The following PODXL variants were observed in gnomAD, a reference collection of about 807,000 sequenced individuals.
The protein encoded by PODXL is podocalyxin like, also known as podocalyxin.
In PODXL, 20 loss-of-function variants were observed where a neutral mutation model predicts 48.9. The ratio of observed to expected loss-of-function variants is 0.41; its 90% CI spans 0.29 to 0.59. PODXL has a LOEUF of 0.59. PODXL is among the 20% of genes least tolerant of loss of function. The probability of loss-of-function intolerance (pLI) is 0.31; values close to 1 mark genes in which losing one functional copy is unlikely to be tolerated. For missense variants in PODXL, 606 were observed against 675.1 expected, an observed-to-expected ratio of 0.90 and a Z score of 1.13; for synonymous variants, 295 against 287.4, an observed-to-expected ratio of 1.03 and a Z score of -0.27.
chr7:131,529,244 G>A (rs1798234647), intron 1 of PODXL, among the ~76,000 whole-genome samples: 1 of 152,116 alleles, frequency 6.6e-6, no homozygotes, highest in African/African-American at 2.4e-5. Flanking sequence ...TCACAGCAGG[G>A]TAGAAATGAC....
chr7:131,512,672 A>C (rs543475067), intron 1 of PODXL, among the ~76,000 whole-genome samples: 1 of 152,222 alleles, frequency 6.6e-6, no homozygotes, highest in East Asian at 1.9e-4. Context: ...TTGAGAATAA[A>C]AGGCCCTCTT....
chr7:131,545,638 A>G (rs1584832027), intron 1 of PODXL, among the ~76,000 whole-genome samples: 2 of 152,324 alleles, frequency 1.3e-5, no homozygotes, highest in Middle Eastern at 6.8e-3. Context: ...GTTCTACTAA[A>G]AAGAGGAGGC....
rs1797692271 is a variant in PODXL at position 131,501,030 on chromosome 7, G to A, written c.*3281C>T. 6.6e-6 allele frequency: 1 copy of A among 152,138 alleles called. No homozygotes were observed. Among genetic ancestry groups the A allele is most frequent in the Admixed American group, 6.6e-5 (1 of 15,262 alleles). 9.4% of individuals were successfully genotyped at this position (152,138 alleles called of 1,614,324 possible). On this transcript the variant is annotated 3_prime_UTR_variant, in exon 9 of 9. Coordinates refer to ENST00000378555, the MANE Select transcript of PODXL (RefSeq NM_001018111.3). ...ACTACAGGGTTGCCTGCCAACCAGA[G>A]CATATTGACTCCAACCTTTACTGAA...
At chr7:131,524,045 C>T (rs113014485) in intron 1 of PODXL, among the ~76,000 whole-genome samples, 10,300 of 152,044 alleles carry the variant, frequency 0.068, 1,131 homozygotes, top group African/African-American at 0.23. Context: ...GCAATCCACC[C>T]GCCTGGACCT....
chr7:131,532,217 C>T (rs897605458), intron 1 of PODXL, among the ~76,000 whole-genome samples: 8 of 150,696 alleles, frequency 5.3e-5, no homozygotes, highest in African/African-American at 1.7e-4. Context: ...GGGTGGATCA[C>T]GAGGTCAGGA....
rs1268612446 is a variant in PODXL at position 131,511,053 on chromosome 7, T to A, written c.481A>T (p.Lys161Ter). 1 of 1,614,036 alleles carries A rather than the reference T, an allele frequency of 6.2e-7. No individual in the cohort carries two copies. Among genetic ancestry groups the A allele is most frequent in the South Asian group, 1.1e-5 (1 of 91,056 alleles). Reference sequence around the variant, plus strand: ...TCTGTGGTCACACTGTGGCTGCTTTTCCCCCCAGAGTTTGTTGTATCTTCT... The same window carrying A: ...TCTGTGGTCACACTGTGGCTGCTTTACCCCCCAGAGTTTGTTGTATCTTCT... ...GAEDTTNSGG[K>*]SSHSVTTDLT... is the part of the protein sequence containing the mutation. The change falls in exon 2 of 9, where the codon AAA becomes TAA. Residue 161 changes from lysine (K) to a stop codon, truncating the protein, a stop_gained. Transcript: ENST00000378555. LOFTEE classifies it high-confidence loss of function.
intron 8 of PODXL, 21 bp from the exon 9 acceptor site, chr7:131,504,529 G>A (rs754519565): frequency 1.5e-5 from 24 of 1,606,748 alleles, no homozygotes; most frequent in African/African-American, 9.4e-5. Context: ...GAAGGTGACC[G>A]GTGAGAAGGG....
At chr7:131,529,423 A>G (rs1336049435) in intron 1 of PODXL, among the ~76,000 whole-genome samples, 1 of 151,976 alleles carries the variant, frequency 6.6e-6, no homozygotes, top group Non-Finnish European at 1.5e-5. Context: ...GTTACTGGCT[A>G]TTTCCAGACC....
intron 1 of PODXL, among the ~76,000 whole-genome samples, chr7:131,537,130 T>G (rs1798388009): frequency 6.7e-6 from 1 of 150,210 alleles, no homozygotes; most frequent in African/African-American, 2.5e-5. Flanking sequence ...TGTATATATG[T>G]ATGTATGCGT....
chr7:131,530,826 AG>A (rs1301319102), intron 1 of PODXL, among the ~76,000 whole-genome samples: 1 of 151,686 alleles, frequency 6.6e-6, no homozygotes, highest in African/African-American at 2.4e-5. Context: ...CGGGAGGCCA[AG>A]GCGGGTGGAT....
At chr7:131,553,591 T>G (rs981554408) in intron 1 of PODXL, among the ~76,000 whole-genome samples, 1 of 152,240 alleles carries the variant, frequency 6.6e-6, no homozygotes, top group African/African-American at 2.4e-5. Flanking sequence ...CTGTTATTAC[T>G]TTATAGATGA....
In PODXL at chr7:131,504,453, G is replaced by A. The variant is rs1206831052; in HGVS notation, c.1535C>T (p.Thr512Ile). 2 of 1,614,194 alleles carry A rather than the reference G, an allele frequency of 1.2e-6. No individual in the cohort carries two copies. The highest frequency in any genetic ancestry group is 2.2e-5 in the South Asian group (2 of 91,086). Residue 512 changes from threonine (T) to isoleucine (I), a missense_variant, in exon 9 of 9, where the codon ACA becomes ATA. Coordinates refer to ENST00000378555, the MANE Select transcript of PODXL (RefSeq NM_001018111.3). The stretch of plus-strand genomic sequence containing the variant: ...AGAAGAGGTCTCCATCACTTCCAGT[G>A]TTGGGTTGTCATGGTAACCATTCTC... The part of the protein sequence containing the change: ...TVENGYHDNP[T>I]LEVMETSSEM...
In PODXL at chr7:131,505,992, T is replaced by C. The variant is rs759469981; in HGVS notation, c.1355A>G (p.Glu452Gly). The C allele has an allele frequency of 6.2e-7, 1 of 1,612,686 alleles. No individual in the cohort carries two copies. The highest frequency in any genetic ancestry group is 1.1e-5 in the South Asian group (1 of 90,576). Reference sequence around the variant, plus strand: ...CATGCTGAAGCGGTCCTCGGCCTCCTCCGGTGGCCCCTGGTCCCCTAGCTT... The same window carrying C: ...CATGCTGAAGCGGTCCTCGGCCTCCCCCGGTGGCCCCTGGTCCCCTAGCTT... ...DMKLGDQGPPEEAEDRFSMPL... is the reference protein window; with the variant it reads ...DMKLGDQGPPGEAEDRFSMPL... The change falls in exon 8 of 9, where the codon GAG (glutamate) becomes GGG (glycine). Residue 452 changes from glutamate to glycine, a missense_variant. Physicochemically the swap from Glu to Gly is moderately conservative, Grantham distance 98. Transcript: ENST00000378555.
rs528772547 is a variant in PODXL, at chr7:131,509,584, C to T, written c.804G>A (p.Ala268=). The T allele has an allele frequency of 4.0e-5, 62 of 1,532,514 alleles. No homozygotes were observed. The South Asian group carries it at 5.0e-4, about 12-fold the overall frequency. 94.9% of individuals were successfully genotyped at this position (1,532,514 alleles called of 1,614,324 possible). A position where few individuals can be genotyped will look rare whatever the true frequency, so the allele number is the denominator to read the frequency against. Residue 268 remains alanine (A), a splice_region_variant and synonymous_variant, in exon 4 of 9, where the codon GCG becomes GCA. Coordinates refer to ENST00000378555, the MANE Select transcript of PODXL (RefSeq NM_001018111.3). ...GAGTTCTTTGCGAGATAACCGATGACGCTGTCATTGGGAAAACGAGGGTAA... is the reference window on the plus strand; with the variant it reads ...GAGTTCTTTGCGAGATAACCGATGATGCTGTCATTGGGAAAACGAGGGTAA... ...TLASQSAGIT[A]SSVISQRTQQ... is the part of the protein sequence containing the mutation.
chr7:131,527,350 A>G (rs757253042), intron 1 of PODXL, among the ~76,000 whole-genome samples: 29 of 152,248 alleles, frequency 1.9e-4, no homozygotes, highest in Non-Finnish European at 3.5e-4. Context: ...TTCTACTTAC[A>G]AGGCACAAAA....
intron 1 of PODXL, among the ~76,000 whole-genome samples, chr7:131,541,702 A>C (rs188937228): frequency 6.6e-6 from 1 of 151,818 alleles, no homozygotes; most frequent in East Asian, 1.9e-4. Flanking sequence ...AAACAAACCA[A>C]GTAAGTGGAT....
intron 5 of PODXL, 96 bp downstream of exon 5, chr7:131,508,855 T>G (rs1797856351): frequency 1.1e-6 from 1 of 924,086 alleles, no homozygotes; most frequent in African/African-American, 1.6e-5. Context: ...TAGAAAGATG[T>G]TTAAAAATGC....
chr7:131,519,432 A>G (rs1584815319), intron 1 of PODXL, among the ~76,000 whole-genome samples: 1 of 152,156 alleles, frequency 6.6e-6, no homozygotes, highest in Non-Finnish European at 1.5e-5. Context: ...ACCACCTTCA[A>G]TCTAACAATA....
At chr7:131,535,850 C>T (rs1420511909) in intron 1 of PODXL, among the ~76,000 whole-genome samples, 1 of 152,198 alleles carries the variant, frequency 6.6e-6, no homozygotes. Context: ...CAGCCTTGAC[C>T]TCCCAGGCTC....
Sources: gnomAD v4.1 joint callset for allele counts (sites outside exome capture counted in the v4.1 genomes callset) on GRCh38, gnomAD v4.1.1 for gene constraint, MANE v1.5 for transcripts, NCBI Gene and HGNC (gene_info 2026-07-23, HGNC 2026-07-21) for gene names.